Variants in EPB41L5 observed in about 807,000 individuals in gnomAD.
The protein encoded by EPB41L5 is erythrocyte membrane protein band 4.1 like 5, also known as band 4.1-like protein 5.
A neutral mutation model predicts 106.6 loss-of-function variants in EPB41L5; 55 were observed. The ratio of observed to expected loss-of-function variants is 0.52; its 90% CI spans 0.42 to 0.65. EPB41L5 has a LOEUF of 0.65. Ranked by LOEUF, EPB41L5 falls within the 30% of genes least tolerant of loss-of-function variation. The probability of loss-of-function intolerance (pLI) is 0.00; values close to 1 mark genes in which losing one functional copy is unlikely to be tolerated. For missense variants in EPB41L5, 871 were observed against 882.1 expected (o/e 0.99, Z 0.16); for synonymous variants, 297 against 306.7 (o/e 0.97, Z 0.33).
intron 21 of EPB41L5, among the ~76,000 whole-genome samples, chr2:120,163,988 T>TTTTTTTC (rs1687273880): frequency 1.0e-5 from 1 of 96,564 alleles, no homozygotes; most frequent in Non-Finnish European, 2.3e-5. Context: ...TACTTTTTTT[T>TTTTTTTC]TTTTTTTTTT....
chr2:120,099,628 C>T (rs929107306), intron 14 of EPB41L5, among the ~76,000 whole-genome samples: 12 of 152,108 alleles, frequency 7.9e-5, no homozygotes, highest in African/African-American at 2.7e-4. Flanking sequence ...AGGGTTTCAC[C>T]GTGTTAGCCA....
rs181718960 is a variant in EPB41L5 at position 120,043,822 on chromosome 2, T to C, written c.285+1712T>C. 9.4e-4 allele frequency among the ~76,000 whole-genome samples: 143 copies of C among 152,272 alleles called. 1 individual carries two copies. The highest frequency in any genetic ancestry group is 1.8e-3 in the Non-Finnish European group (125 of 68,030). ...TGGTAGAAGTAGTCATAAAGGATTATAAGGCAGTATAATTGAATTTTTCTA... is the reference window on the plus strand; with the variant it reads ...TGGTAGAAGTAGTCATAAAGGATTACAAGGCAGTATAATTGAATTTTTCTA... On this transcript the variant is annotated intron_variant, in intron 3 of 24. Transcript: ENST00000263713.
intron 3 of EPB41L5, among the ~76,000 whole-genome samples, chr2:120,072,765 T>TA (rs753133234): frequency 1.3e-5 from 2 of 152,008 alleles, no homozygotes; most frequent in Non-Finnish European, 2.9e-5. Context: ...GAACATCACA[T>TA]ACTGGCGCCT....
chr2:120,104,922 G>T (rs1023331463), intron 16 of EPB41L5: 2 of 977,444 alleles, frequency 2.0e-6, no homozygotes, highest in African/African-American at 3.5e-5. Context: ...TATCATAACA[G>T]TTAACCAGTG....
chr2:120,142,421 C>G (rs1686214590), intron 18 of EPB41L5, among the ~76,000 whole-genome samples: 1 of 151,998 alleles, frequency 6.6e-6, no homozygotes, highest in African/African-American at 2.4e-5. Context: ...ATGAGCAGTA[C>G]TTTGTTTTAA....
At chr2:120,056,226 G>A (rs1324671657) in intron 3 of EPB41L5, among the ~76,000 whole-genome samples, 1 of 149,358 alleles carries the variant, frequency 6.7e-6, no homozygotes, top group Non-Finnish European at 1.5e-5. Context: ...TATATGGTAT[G>A]TTATGTTGAT....
intron 17 of EPB41L5, 25 bp downstream of exon 17, chr2:120,127,876 C>A: frequency 6.6e-7 from 1 of 1,522,106 alleles, no homozygotes; most frequent in Non-Finnish European, 8.9e-7. Context: ...CATTATACAT[C>A]AGTGATACCT....
At chr2:120,077,387 C>A in intron 9 of EPB41L5, 71 bp downstream of exon 9, 1 of 1,331,586 alleles carries the variant, frequency 7.5e-7, no homozygotes, top group South Asian at 1.3e-5. Flanking sequence ...TGGAATTTTT[C>A]AGTATGAGGG....
chr2:120,085,029 A>G (rs574373463), intron 10 of EPB41L5, among the ~76,000 whole-genome samples: 5 of 152,266 alleles, frequency 3.3e-5, no homozygotes, highest in African/African-American at 1.2e-4. Flanking sequence ...CCGTTTGTCT[A>G]ATCTTTTTTC....
chr2:120,070,289 C>A (rs974359900), intron 3 of EPB41L5, among the ~76,000 whole-genome samples: 2 of 152,118 alleles, frequency 1.3e-5, no homozygotes, highest in African/African-American at 4.8e-5. Context: ...AGGAAGAAGT[C>A]AAATCCTTGA....
At chr2:120,139,755 A>T (rs1686090548) in intron 18 of EPB41L5, among the ~76,000 whole-genome samples, 1 of 151,438 alleles carries the variant, frequency 6.6e-6, no homozygotes, top group Non-Finnish European at 1.5e-5. Flanking sequence ...ACAGAAGTAC[A>T]GAGTGCCTCA....
chr2:120,059,708 G>A (rs1469552855), intron 3 of EPB41L5, among the ~76,000 whole-genome samples: 1 of 152,042 alleles, frequency 6.6e-6, no homozygotes, highest in African/African-American at 2.4e-5. Context: ...TTCAAGACTA[G>A]CCTGGACAAC....
Position 120,178,685 on chromosome 2 carries a change from A to T in EPB41L5, c.*3778A>T, listed in dbSNP as rs901578902. The T allele has an allele frequency of 2.0e-5, 3 of 152,206 alleles. No individual in the cohort carries two copies. Among genetic ancestry groups the T allele is most frequent in the African/African-American group, 7.2e-5 (3 of 41,446 alleles). The allele number at this position is 152,206 out of a possible 1,614,324, so 9.4% of individuals were successfully genotyped here. A position where few individuals can be genotyped will look rare whatever the true frequency, so the allele number is the denominator to read the frequency against. ...GAGGACATTTGTTTGAATTATAGAA[A>T]TTTGCCCTGAGCTGAACTGGGTTGT... On this transcript the variant is annotated 3_prime_UTR_variant, in exon 25 of 25. Coordinates refer to ENST00000263713, the MANE Select transcript of EPB41L5 (RefSeq NM_020909.4).
intron 17 of EPB41L5, among the ~76,000 whole-genome samples, 189 bp from the exon 18 acceptor site, chr2:120,131,429 T>G (rs905749107): frequency 1.3e-5 from 2 of 152,176 alleles, no homozygotes; most frequent in African/African-American, 4.8e-5. Context: ...TAGGATTAAC[T>G]CTTATTCAAA....
chr2:120,083,578 T>C (rs937738275), intron 10 of EPB41L5, among the ~76,000 whole-genome samples: 6 of 152,234 alleles, frequency 3.9e-5, no homozygotes, highest in African/African-American at 1.4e-4. Flanking sequence ...ATGTATATTC[T>C]GCTGATTTGG....
chr2:120,032,925 T>TAATA (rs1678810083), intron 2 of EPB41L5, among the ~76,000 whole-genome samples: 1 of 152,258 alleles, frequency 6.6e-6, no homozygotes, highest in East Asian at 1.9e-4. Context: ...ATCTAACACA[T>TAATA]AATAGGTGTC....
intron 24 of EPB41L5, among the ~76,000 whole-genome samples, chr2:120,168,457 C>T (rs1048498715): frequency 6.6e-5 from 10 of 152,108 alleles, no homozygotes; most frequent in Non-Finnish European, 1.2e-4. Flanking sequence ...CATTTCAAGG[C>T]GTTGCTTGCT....
chr2:120,084,761 C>G (rs1682938278), intron 10 of EPB41L5, among the ~76,000 whole-genome samples: 1 of 152,184 alleles, frequency 6.6e-6, no homozygotes, highest in Non-Finnish European at 1.5e-5. Context: ...TTCAGGTACA[C>G]CAATCAGACG....
chr2:120,020,307 C>T (rs1371375662), intron 2 of EPB41L5, among the ~76,000 whole-genome samples: 1 of 152,024 alleles, frequency 6.6e-6, no homozygotes, highest in African/African-American at 2.4e-5. Context: ...CTTAAACTCA[C>T]CAAGTGAGAG....
Sources: allele counts gnomAD v4.1 joint callset (sites outside exome capture counted in the v4.1 genomes callset), GRCh38; gene constraint gnomAD v4.1.1; transcripts MANE v1.5; gene names NCBI Gene and HGNC (gene_info 2026-07-23, HGNC 2026-07-21).